Variants in PTGS1 observed in about 807,000 individuals in gnomAD.
PTGS1 encodes the protein prostaglandin-endoperoxide synthase 1, also known as prostaglandin G/H synthase 1.
In PTGS1, 40 loss-of-function variants were observed where a neutral mutation model predicts 63.0. That is an observed-to-expected ratio of 0.63 (90% CI 0.49 to 0.83). PTGS1 has a LOEUF of 0.83. Ranked by LOEUF, PTGS1 falls within the 40% of genes least tolerant of loss-of-function variation. The pLI is 0.00. For synonymous variants in PTGS1, 298 were observed against 301.9 expected (o/e 0.99, Z 0.13); for missense variants, 709 against 786.5 (o/e 0.90, Z 1.18).
rs200482220 is a variant in PTGS1 at position 122,378,767 on chromosome 9, C to T, written c.353-8C>T. On this transcript the variant is annotated splice_region_variant and splice_polypyrimidine_tract_variant and intron_variant, in intron 4 of 10. Coordinates refer to ENST00000362012, the MANE Select transcript of PTGS1 (RefSeq NM_000962.4). ...CACCCTTGTCACCGTTATTTTTGCT[C>T]TCTGCAGTGCGCTCCAACCTTATCC... 20 of 1,613,888 alleles carry T rather than the reference C, an allele frequency of 1.2e-5. No individual in the cohort carries two copies. The African/African-American group carries it at 2.7e-4, about 22-fold the overall frequency.
chr9:122,378,792 C>G lies in PTGS1; in HGVS notation c.370C>G (p.Pro124Ala). 1 of 1,614,202 alleles carries G rather than the reference C, an allele frequency of 6.2e-7. No individual in the cohort carries two copies. Among genetic ancestry groups the G allele is most frequent in the Non-Finnish European group, 8.5e-7 (1 of 1,180,032 alleles). The part of the protein sequence containing the change: ...LVLTVRSNLI[P>A]SPPTYNSAHD... ...CTCTGCAGTGCGCTCCAACCTTATC[C>G]CCAGTCCCCCCACCTACAACTCAGC... is the stretch of plus-strand genomic sequence containing the variant. Residue 124 changes from proline (P) to alanine (A), a missense_variant, in exon 5 of 11, where the codon CCC becomes GCC. By Grantham distance (27) the Pro-to-Ala change is conservative. Transcript: ENST00000362012.
intron 9 of PTGS1, among the ~76,000 whole-genome samples, chr9:122,388,228 T>C (rs1837997475): frequency 6.6e-6 from 1 of 152,156 alleles, no homozygotes; most frequent in Non-Finnish European, 1.5e-5. Context: ...TTTTTTTAAA[T>C]AGAGATGGGG....
chr9:122,386,744 A>G lies in PTGS1; in HGVS notation c.1296+12A>G, dbSNP rs1318796705. On this transcript the variant is annotated intron_variant, in intron 9 of 10. Coordinates refer to ENST00000362012, the MANE Select transcript of PTGS1 (RefSeq NM_000962.4). The stretch of plus-strand genomic sequence containing the variant: ...AGATTGCTGGCCGGGTAAGCCCCAG[A>G]GGAGTGCTGGTGAGGGCAGGTGGGC... 1 of 1,613,082 alleles carries G rather than the reference A, an allele frequency of 6.2e-7. No individual in the cohort carries two copies. The highest frequency in any genetic ancestry group is 8.5e-7 in the Non-Finnish European group (1 of 1,179,248).
intron 10 of PTGS1, among the ~76,000 whole-genome samples, chr9:122,391,773 C>T (rs1225522059): frequency 6.6e-6 from 1 of 152,092 alleles, no homozygotes. Context: ...GGACATGTTA[C>T]ATCTTTGAGC....
chr9:122,384,230 C>G (rs1837727103), intron 8 of PTGS1, among the ~76,000 whole-genome samples: 1 of 152,128 alleles, frequency 6.6e-6, no homozygotes, highest in African/African-American at 2.4e-5. Context: ...CTAGGTGACT[C>G]AGGGACAGGA....
At chr9:122,391,382 TATAC>T (rs1256279635) in intron 10 of PTGS1, among the ~76,000 whole-genome samples, 2 of 92,330 alleles carry the variant, frequency 2.2e-5, no homozygotes, top group African/African-American at 9.1e-5. Context: ...CATATATATA[TATAC>T]ATATATATAT....
intron 2 of PTGS1, 43 bp downstream of exon 2, chr9:122,371,315 G>A (rs1588113520): frequency 6.3e-7 from 1 of 1,599,202 alleles, no homozygotes; most frequent in South Asian, 1.1e-5. Flanking sequence ...CCGGTCTTGC[G>A]CCCCTGGCCT....
At chr9:122,375,602 G>A (rs1837089287) in intron 2 of PTGS1, among the ~76,000 whole-genome samples, 1 of 152,198 alleles carries the variant, frequency 6.6e-6, no homozygotes, top group Admixed American at 6.5e-5. Context: ...CCTTCTCCTG[G>A]AAGCTTATGG....
At chr9:122,391,204 G>A (rs776227263) in intron 10 of PTGS1, among the ~76,000 whole-genome samples, 38 of 148,440 alleles carry the variant, frequency 2.6e-4, no homozygotes, top group African/African-American at 7.9e-4. Context: ...AAGAATCTGC[G>A]TATTCATATG....
rs1837657602 is a variant in PTGS1 at position 122,383,426 on chromosome 9, G to A, written c.763-83G>A. 11 of 1,519,812 alleles carry A rather than the reference G, an allele frequency of 7.2e-6. No individual in the cohort carries two copies. In the East Asian group the frequency reaches 2.1e-4, roughly 28 times the overall value. The allele number at this position is 1,519,812 out of a possible 1,614,324, so 94.1% of individuals were successfully genotyped here. A position where few individuals can be genotyped will look rare whatever the true frequency, so the allele number is the denominator to read the frequency against. ...CCTTGGCTGAGGGGAACTGGCAGCT[G>A]GAGGCAGGAGTGGGAGGGAGTTGGT... On this transcript the variant is annotated intron_variant, in intron 7 of 10. Coordinates refer to ENST00000362012, the MANE Select transcript of PTGS1 (RefSeq NM_000962.4).
intron 3 of PTGS1, 72 bp from the exon 4 acceptor site, chr9:122,378,361 C>T: frequency 6.3e-7 from 1 of 1,599,050 alleles, no homozygotes; most frequent in East Asian, 2.2e-5. Flanking sequence ...TCCTCAGTGC[C>T]CCATCTTCCA....
intron 2 of PTGS1, chr9:122,375,204 C>T (rs772074711): frequency 1.7e-4 from 115 of 683,296 alleles, no homozygotes; most frequent in East Asian, 3.2e-4. Context: ...AAGAACGTGG[C>T]GGGGGAGGCG....
intron 8 of PTGS1, among the ~76,000 whole-genome samples, chr9:122,384,328 C>G (rs1837737738): frequency 6.6e-6 from 1 of 152,168 alleles, no homozygotes; most frequent in Non-Finnish European, 1.5e-5. Context: ...ACATCCCTGT[C>G]CAGACCATGT....
intron 7 of PTGS1, 68 bp downstream of exon 7, chr9:122,381,815 TG>T: frequency 1.3e-6 from 2 of 1,493,686 alleles, no homozygotes; most frequent in Non-Finnish European, 9.2e-7. Context: ...AAAGACTGCT[TG>T]GGGCGGGGGT....
chr9:122,378,509 C>G lies in PTGS1; in HGVS notation c.288C>G (p.Arg96=), dbSNP rs1479065588. The part of the protein sequence containing the change: ...SFTHFLLTHG[R]WFWEFVNATF... ...CCCACTTCCTGCTCACTCACGGGCG[C>G]TGGTTCTGGGAGTTTGTCAATGCCA... Residue 96 remains arginine, a synonymous_variant, in exon 4 of 11, where the codon CGC becomes CGG. Transcript: ENST00000362012. 2 of 1,614,138 alleles carry G rather than the reference C, an allele frequency of 1.2e-6. No individual in the cohort carries two copies. The highest frequency in any genetic ancestry group is 3.3e-5 in the Admixed American group (2 of 60,018).
chr9:122,381,442 C>T lies in PTGS1; in HGVS notation c.568C>T (p.Pro190Ser). The change falls in exon 6 of 11, where the codon CCC (proline) becomes TCC (serine). Residue 190 changes from proline (P) to serine (S), a missense_variant. Pro to Ser is a moderately conservative substitution (Grantham distance 74). Coordinates refer to ENST00000362012, the MANE Select transcript of PTGS1 (RefSeq NM_000962.4). ...FLLRRKFIPD[P>S]QGTNLMFAFF... ...GCTCAGGAGGAAGTTCATACCTGAC[C>T]CCCAAGGCACCAACCTCATGTTTGC... 1.2e-6 allele frequency: 2 copies of T among 1,614,212 alleles called. No individual in the cohort carries two copies. Among genetic ancestry groups the T allele is most frequent in the Non-Finnish European group, 8.5e-7 (1 of 1,180,036 alleles).
chr9:122,371,923 G>A (rs1836833288), intron 2 of PTGS1: 1 of 999,280 alleles, frequency 1.0e-6, no homozygotes, highest in Non-Finnish European at 1.5e-6. Flanking sequence ...ACTTCGCAAG[G>A]TCTTTCCACA....
intron 2 of PTGS1, among the ~76,000 whole-genome samples, chr9:122,377,451 TCGTCCC>T (rs956655299): frequency 5.6e-4 from 85 of 152,260 alleles, no homozygotes; most frequent in African/African-American, 1.9e-3. Context: ...GTCCTCGTCC[TCGTCCC>T]TTTTCTGACC....
chr9:122,390,391 G>T (rs778596789), intron 10 of PTGS1, 46 bp downstream of exon 10: 35 of 1,596,782 alleles, frequency 2.2e-5, no homozygotes, highest in Non-Finnish European at 2.7e-5. Context: ...TGAGGGACTG[G>T]CAGCAAAGTC....
Sources: gnomAD v4.1 joint callset for allele counts (sites outside exome capture counted in the v4.1 genomes callset) on GRCh38, gnomAD v4.1.1 for gene constraint, MANE v1.5 for transcripts, NCBI Gene and HGNC (gene_info 2026-07-23, HGNC 2026-07-21) for gene names.